Variants in LPP observed in about 807,000 individuals in gnomAD.
LPP encodes lipoma-preferred partner.
A neutral mutation model predicts 60.4 loss-of-function variants in LPP; 38 were observed. The observed-to-expected ratio is 0.63, with a 90% CI of 0.49 to 0.83. LPP has a LOEUF of 0.83. LPP is among the 40% of genes least tolerant of loss of function. The probability of loss-of-function intolerance (pLI) is 0.00; values close to 1 mark genes in which losing one functional copy is unlikely to be tolerated. For synonymous variants in LPP, 328 were observed against 290.8 expected (o/e 1.13, Z -1.30); for missense variants, 902 against 783.6 (o/e 1.15, Z -1.80).
At chr3:188,227,169 TTTA>T (rs1718091354) in intron 2 of LPP, among the ~76,000 whole-genome samples, 1 of 151,650 alleles carries the variant, frequency 6.6e-6, no homozygotes, top group East Asian at 1.9e-4. Flanking sequence ...ATTTATTTAT[TTTA>T]TTTTTATTTT....
intron 8 of LPP, among the ~76,000 whole-genome samples, chr3:188,737,843 C>A (rs1248826853): frequency 1.3e-5 from 2 of 152,204 alleles, no homozygotes; most frequent in Non-Finnish European, 2.9e-5. Context: ...ACAGGATGCC[C>A]TGAGTTGAGA....
At chr3:188,689,172 G>C (rs1228882196) in intron 7 of LPP, among the ~76,000 whole-genome samples, 2 of 152,258 alleles carry the variant, frequency 1.3e-5, no homozygotes, top group African/African-American at 4.8e-5. Context: ...TTTGAGCCTG[G>C]GGTCGGCCTG....
chr3:188,179,060 GAGAGAGTGAGCAAGAGAGA>G, intron 1 of LPP: 1 of 320,106 alleles, frequency 3.1e-6, no homozygotes, highest in Non-Finnish European at 6.2e-6. Context: ...GAGAGAGAGA[GAGAGAGTGAGCAAGAGAGA>G]GGGAGGGAGA....
intron 1 of LPP, among the ~76,000 whole-genome samples, chr3:188,189,840 C>T (rs905386070): frequency 6.6e-6 from 1 of 151,834 alleles, no homozygotes; most frequent in African/African-American, 2.4e-5. Context: ...GGTGCTGACA[C>T]TCGGAGGTGG....
intron 5 of LPP, among the ~76,000 whole-genome samples, chr3:188,523,070 G>C (rs1819448145): frequency 6.6e-6 from 1 of 151,838 alleles, no homozygotes; most frequent in Non-Finnish European, 1.5e-5. Flanking sequence ...ACCACACCCA[G>C]CTAATTTTTG....
chr3:188,331,018 T>C (rs1485828726), intron 2 of LPP, among the ~76,000 whole-genome samples: 1 of 152,202 alleles, frequency 6.6e-6, no homozygotes, highest in Non-Finnish European at 1.5e-5. Context: ...CTGAGACTTC[T>C]ACATTTGTTT....
intron 7 of LPP, among the ~76,000 whole-genome samples, chr3:188,651,344 A>C (rs1464217973): frequency 6.6e-6 from 1 of 152,220 alleles, no homozygotes; most frequent in African/African-American, 2.4e-5. Flanking sequence ...GAAGAGTTGG[A>C]GAGTAGAGAT....
At chr3:188,526,557 C>T (rs1382527986) in intron 6 of LPP, among the ~76,000 whole-genome samples, 1 of 152,182 alleles carries the variant, frequency 6.6e-6, no homozygotes, top group Admixed American at 6.5e-5. Context: ...TCCCAAAGTA[C>T]TGGGATTACA....
At chr3:188,459,149 G>A (rs1798421010) in intron 4 of LPP, among the ~76,000 whole-genome samples, 1 of 152,128 alleles carries the variant, frequency 6.6e-6, no homozygotes, top group African/African-American at 2.4e-5. Context: ...TGGAGCTACT[G>A]AAATAGGCCC....
rs867666139 is a variant in LPP at position 188,180,228 on chromosome 3, C to T, written c.-190+25976C>T. 20 of 154,578 alleles carry T rather than the reference C, an allele frequency of 1.3e-4. 1 individual carries two copies. The Middle Eastern group carries it at 7.7e-3, about 60-fold the overall frequency. The allele number at this position is 154,578 out of a possible 1,614,324, so 9.6% of individuals were successfully genotyped here. The stretch of plus-strand genomic sequence containing the variant: ...AGCTGGCTTCTTGCCTTCTCACTCA[C>T]TGCCTCCCGTAGCCTGTGGGCAGAA... On this transcript the variant is annotated intron_variant, in intron 1 of 11. Transcript: ENST00000617246.
intron 5 of LPP, among the ~76,000 whole-genome samples, chr3:188,506,845 T>C (rs1813618941): frequency 6.6e-6 from 1 of 152,200 alleles, no homozygotes. Flanking sequence ...TTGCCCAGGC[T>C]GGAGTGCAGT....
chr3:188,817,437 G>A (rs1311514844), intron 9 of LPP, among the ~76,000 whole-genome samples: 1 of 152,118 alleles, frequency 6.6e-6, no homozygotes, highest in East Asian at 1.9e-4. Context: ...TTTCAAAAGG[G>A]CTGTTAAAAC....
intron 2 of LPP, among the ~76,000 whole-genome samples, chr3:188,252,804 C>T (rs1730343890): frequency 6.6e-6 from 1 of 152,180 alleles, no homozygotes; most frequent in African/African-American, 2.4e-5. Flanking sequence ...CAGAGTCTCT[C>T]TCTGTTGCCC....
At chr3:188,410,486 C>A (rs969579958) in intron 4 of LPP, among the ~76,000 whole-genome samples, 2 of 152,112 alleles carry the variant, frequency 1.3e-5, no homozygotes, top group Non-Finnish European at 2.9e-5. Context: ...ATAAGATATT[C>A]TGATAATAAC....
rs146994483 is a variant in LPP, at chr3:188,319,496, A to G, written c.-66-22167A>G. ...TTGAGCCTTTTAACTAATCAAATGC[A>G]TTTGAAATGCTATTAATTTATGATA... On this transcript the variant is annotated intron_variant, in intron 2 of 11. Transcript: ENST00000617246. Among the ~76,000 whole-genome samples the G allele has an allele frequency of 3.1e-3, 471 of 152,330 alleles. 1 individual carries two copies. The highest frequency in any genetic ancestry group is 5.2e-3 in the Non-Finnish European group (354 of 68,036).
intron 8 of LPP, chr3:188,709,056 CTT>C (rs1407942029): frequency 6.6e-6 from 1 of 152,020 alleles, no homozygotes; most frequent in African/African-American, 2.4e-5. Flanking sequence ...AGATTGTACT[CTT>C]AATTTTTTTT....
chr3:188,541,768 G>T (rs1315733654), intron 6 of LPP, among the ~76,000 whole-genome samples: 1 of 151,958 alleles, frequency 6.6e-6, no homozygotes, highest in Admixed American at 6.6e-5. Flanking sequence ...ATGGTGGCGG[G>T]CACCTGTAAT....
chr3:188,553,442 G>T (rs567336860), intron 6 of LPP, among the ~76,000 whole-genome samples: 4 of 152,136 alleles, frequency 2.6e-5, no homozygotes, highest in Non-Finnish European at 5.9e-5. Context: ...TGGAATGGCC[G>T]CACATTGAGC....
intron 5 of LPP, among the ~76,000 whole-genome samples, chr3:188,514,844 A>G (rs1194320389): frequency 2.0e-5 from 3 of 152,152 alleles, no homozygotes; most frequent in African/African-American, 4.8e-5. Context: ...TCACCAGCCT[A>G]TTTATGGACC....
Sources: allele counts gnomAD v4.1 joint callset (sites outside exome capture counted in the v4.1 genomes callset), GRCh38; gene constraint gnomAD v4.1.1; transcripts MANE v1.5; gene names NCBI Gene and HGNC (gene_info 2026-07-23, HGNC 2026-07-21).